The following UTP20 variants were observed in gnomAD, a reference collection of about 807,000 sequenced individuals.
UTP20 encodes UTP20 small subunit processome component.
Under a neutral mutation model 329.5 loss-of-function variants are expected in UTP20, and 164 were observed. That is an observed-to-expected ratio of 0.50 (90% CI 0.44 to 0.57). The LOEUF is 0.57. Among genes scored for constraint, UTP20 ranks in the 20% least tolerant of loss-of-function variants. The probability of loss-of-function intolerance (pLI) is 0.00; values close to 1 mark genes in which losing one functional copy is unlikely to be tolerated. For missense variants in UTP20, 3,055 were observed against 3,284.2 expected (o/e 0.93, Z 1.71); for synonymous variants, 1,151 against 1,159.3 (o/e 0.99, Z 0.14).
intron 25 of UTP20, among the ~76,000 whole-genome samples, chr12:101,326,050 T>G (rs973900180): frequency 6.6e-6 from 1 of 152,258 alleles, no homozygotes; most frequent in African/African-American, 2.4e-5. Flanking sequence ...GTATCATGTA[T>G]GGGTAAAAGA....
At chr12:101,381,651 A>G (rs944704925) in intron 58 of UTP20, among the ~76,000 whole-genome samples, 4 of 152,226 alleles carry the variant, frequency 2.6e-5, no homozygotes, top group Non-Finnish European at 5.9e-5. Flanking sequence ...CATACACTCA[A>G]ATATATGTTC....
intron 27 of UTP20, among the ~76,000 whole-genome samples, chr12:101,329,867 C>T (rs1042192142): frequency 1.3e-5 from 2 of 151,426 alleles, no homozygotes; most frequent in African/African-American, 2.4e-5. Context: ...TAGCCAGGTG[C>T]GGTAGTGCAC....
intron 21 of UTP20, among the ~76,000 whole-genome samples, chr12:101,314,641 G>A (rs1336948013): frequency 1.1e-4 from 16 of 148,930 alleles, no homozygotes; most frequent in Admixed American, 1.0e-3. Context: ...CTGGGCGACA[G>A]AGCGAGACTC....
chr12:101,373,013 C>A, intron 52 of UTP20, 50 bp downstream of exon 52: 2 of 1,472,408 alleles, frequency 1.4e-6, no homozygotes, highest in Non-Finnish European at 1.9e-6. Flanking sequence ...TTTCTTCTTT[C>A]CCTTTAACAT....
chr12:101,374,955 GGGAAT>G lies in UTP20; in HGVS notation c.7263+17_7263+21del. ...CTTTAAAGATGTAAGTAATTTGCTA[GGGAAT>G]AAAACTTTTCTAACTTATAGTTTTA... On this transcript the variant is annotated intron_variant, in intron 55 of 61. Transcript: ENST00000261637. 6.2e-7 allele frequency: 1 copy of G among 1,601,456 alleles called. No individual in the cohort carries two copies. The highest frequency in any genetic ancestry group is 1.7e-5 in the Admixed American group (1 of 59,854).
chr12:101,348,586 T>C (rs1279032738), intron 38 of UTP20, among the ~76,000 whole-genome samples: 2 of 151,826 alleles, frequency 1.3e-5, no homozygotes, highest in Non-Finnish European at 2.9e-5. Flanking sequence ...TGGTGCTCTT[T>C]TTTTCTTTGT....
At chr12:101,384,254 A>G (rs936002641) in intron 60 of UTP20, among the ~76,000 whole-genome samples, 35 of 152,348 alleles carry the variant, frequency 2.3e-4, no homozygotes, top group Admixed American at 2.2e-3. Flanking sequence ...CATCTTAAAA[A>G]TTATAGGCTG....
intron 12 of UTP20, among the ~76,000 whole-genome samples, chr12:101,298,761 T>TTGA (rs1872437831): frequency 2.6e-5 from 4 of 152,216 alleles, no homozygotes; most frequent in African/African-American, 9.6e-5. Flanking sequence ...CTTTAAGGAA[T>TTGA]TGATAATTAA....
At chr12:101,315,104 C>CA (rs897567159) in intron 21 of UTP20, among the ~76,000 whole-genome samples, 4 of 151,408 alleles carry the variant, frequency 2.6e-5, no homozygotes, top group Admixed American at 2.6e-4. Flanking sequence ...TCTCTGCTCC[C>CA]AAAAAAAGAC....
rs187009166 is a variant in UTP20, at chr12:101,326,877, C to T, written c.3042-204C>T. The T allele has an allele frequency of 1.6e-3, 780 of 475,392 alleles. 2 individuals carry two copies. The highest frequency in any genetic ancestry group is 2.4e-3 in the Non-Finnish European group (678 of 279,040). 29.4% of individuals were successfully genotyped at this position (475,392 alleles called of 1,614,324 possible). A position where few individuals can be genotyped will look rare whatever the true frequency, so the allele number is the denominator to read the frequency against. On this transcript the variant is annotated intron_variant, in intron 25 of 61. Coordinates refer to ENST00000261637, the MANE Select transcript of UTP20 (RefSeq NM_014503.3). Reference sequence around the variant, plus strand: ...TAGCTGGGACTACAGGCACGTAGCACTGCACCCAGCTCTCTTAGCCTTATT... The same window carrying T: ...TAGCTGGGACTACAGGCACGTAGCATTGCACCCAGCTCTCTTAGCCTTATT...
intron 61 of UTP20, 72 bp downstream of exon 61, chr12:101,385,800 CACTT>C (rs1467808648): frequency 6.5e-6 from 10 of 1,545,920 alleles, no homozygotes; most frequent in Non-Finnish European, 7.8e-6. Flanking sequence ...GTTTGTGTCA[CACTT>C]ACACTTAGGG....
chr12:101,291,401 A>C (rs1872143848), intron 8 of UTP20: 1 of 169,440 alleles, frequency 5.9e-6, no homozygotes, highest in South Asian at 1.7e-4. Context: ...CTAAAAATAC[A>C]AAATGGCGCA....
At chr12:101,303,049 C>A (rs776909837) in intron 15 of UTP20, among the ~76,000 whole-genome samples, 1 of 152,178 alleles carries the variant, frequency 6.6e-6, no homozygotes, top group Non-Finnish European at 1.5e-5. Context: ...ATTTTGATAG[C>A]AGCACAGAGC....
At chr12:101,286,153 T>C (rs1871954320) in intron 4 of UTP20, among the ~76,000 whole-genome samples, 168 bp from the exon 5 acceptor site, 1 of 152,222 alleles carries the variant, frequency 6.6e-6, no homozygotes, top group Non-Finnish European at 1.5e-5. Context: ...CTTGCCTGAT[T>C]TCTTTGCTGA....
At chr12:101,281,516 C>G (rs543675032) in intron 2 of UTP20, among the ~76,000 whole-genome samples, 2 of 152,232 alleles carry the variant, frequency 1.3e-5, no homozygotes, top group African/African-American at 4.8e-5. Flanking sequence ...CTAGCCTCTC[C>G]CTTTCCCTTA....
intron 24 of UTP20, 22 bp from the exon 25 acceptor site, chr12:101,321,482 G>A: frequency 6.2e-7 from 1 of 1,610,546 alleles, no homozygotes; most frequent in Non-Finnish European, 8.5e-7. Flanking sequence ...GTGGTGATTT[G>A]TGCTGTTCTC....
chr12:101,386,068 A>G lies in UTP20; in HGVS notation c.8303A>G (p.Tyr2768Cys), dbSNP rs1870818962. ...AAGATAGAGTTCCTGCGTCCAGGAT[A>G]TAAGGCCAAGAGACAAAAAAGCCAT... ...KRKIEFLRPG[Y>C]KAKRQKSHSL... The change falls in exon 62 of 62, where the codon TAT (tyrosine) becomes TGT (cysteine). Residue 2768 changes from tyrosine (Y) to cysteine (C), a missense_variant. Tyr to Cys is a radical substitution (Grantham distance 194). Coordinates refer to ENST00000261637, the MANE Select transcript of UTP20 (RefSeq NM_014503.3). 3 of 1,609,534 alleles carry G rather than the reference A, an allele frequency of 1.9e-6. No individual in the cohort carries two copies. The highest frequency in any genetic ancestry group is 1.3e-5 in the African/African-American group (1 of 74,410).
rs559419785 is a variant in UTP20, at chr12:101,296,396, C to G, written c.1430+738C>G. Among the ~76,000 whole-genome samples the G allele has an allele frequency of 2.6e-5, 4 of 152,164 alleles. No homozygotes were observed. The East Asian group carries it at 7.7e-4, about 29-fold the overall frequency. ...ACCATCCTGGCTAACACGGTGAAAC[C>G]CTGTCTCTATTAAAAATACAAAAAA... On this transcript the variant is annotated intron_variant, in intron 12 of 61. Coordinates refer to ENST00000261637, the MANE Select transcript of UTP20 (RefSeq NM_014503.3).
intron 27 of UTP20, among the ~76,000 whole-genome samples, chr12:101,331,662 T>C (rs1443375461): frequency 1.3e-5 from 2 of 152,224 alleles, no homozygotes; most frequent in Non-Finnish European, 2.9e-5. Flanking sequence ...ATTTTCATGA[T>C]AAGTAATTTT....
Sources: allele counts gnomAD v4.1 joint callset (sites outside exome capture counted in the v4.1 genomes callset), GRCh38; gene constraint gnomAD v4.1.1; transcripts MANE v1.5; gene names NCBI Gene and HGNC (gene_info 2026-07-23, HGNC 2026-07-21).